Variants in TARBP1 observed in about 807,000 individuals in gnomAD.
TARBP1 encodes the protein tRNA (guanosine(18)-2'-O)-methyltransferase TARBP1.
A neutral mutation model predicts 178.6 loss-of-function variants in TARBP1; 144 were observed. The observed-to-expected ratio is 0.81, with a 90% CI of 0.70 to 0.93. The LOEUF is 0.93. Ranked by LOEUF, TARBP1 falls within the 40% of genes least tolerant of loss-of-function variation. TARBP1 has a pLI of 0.00. For missense variants in TARBP1, 2,067 were observed against 2,011.7 expected (o/e 1.03, Z -0.53); for synonymous variants, 787 against 781.0 (o/e 1.01, Z -0.13).
At position 234,418,240 on chromosome 1, in the gene TARBP1, A is replaced by C. The variant is rs768711603; in HGVS notation, c.3556-7T>G. The C allele has an allele frequency of 1.2e-5, 19 of 1,547,714 alleles. No individual in the cohort carries two copies. The highest frequency in any genetic ancestry group is 1.6e-5 in the Non-Finnish European group (18 of 1,160,160). On this transcript the variant is annotated splice_polypyrimidine_tract_variant and splice_region_variant and intron_variant, in intron 21 of 29. Transcript: ENST00000040877. ...TAATTCCATTCAAGAAATTCTGAGA[A>C]AAAAAGTTCACAATTAACCAGTTAC...
chr1:234,418,816 G>A (rs1033385185), intron 21 of TARBP1, among the ~76,000 whole-genome samples: 7 of 152,114 alleles, frequency 4.6e-5, no homozygotes, highest in Non-Finnish European at 7.3e-5. Context: ...TATTTCTATC[G>A]GGGGACGGAA....
rs1318850550 is a variant in TARBP1 at position 234,398,441 on chromosome 1, T to G, written c.4184A>C (p.Tyr1395Ser). The change falls in exon 26 of 30, where the codon TAC becomes TCC. Residue 1395 changes from tyrosine (Y) to serine (S), a missense_variant. Coordinates refer to ENST00000040877, the MANE Select transcript of TARBP1 (RefSeq NM_005646.4). ...TTTACTAAGTTGAGTTTGAGAAAGG[T>G]ACCACTGAAATCCCGCAGCTAAAGG... ...DVPLAAGFQW[Y>S]LSQTQLSKLK... 1.2e-6 allele frequency: 2 copies of G among 1,612,248 alleles called. No individual in the cohort carries two copies. The highest frequency in any genetic ancestry group is 8.5e-7 in the Non-Finnish European group (1 of 1,178,914).
At chr1:234,471,854 A>G (rs1669092606) in intron 2 of TARBP1, among the ~76,000 whole-genome samples, 1 of 152,090 alleles carries the variant, frequency 6.6e-6, no homozygotes, top group Non-Finnish European at 1.5e-5. Flanking sequence ...ATCTATATAT[A>G]TTTAGCACAT....
chr1:234,419,979 T>C (rs972131791), intron 21 of TARBP1, among the ~76,000 whole-genome samples: 16 of 152,180 alleles, frequency 1.1e-4, no homozygotes, highest in Non-Finnish European at 1.2e-4. Flanking sequence ...TAAAAGAAGG[T>C]AGGGAGGACA....
rs1661685736 is a variant in TARBP1 at position 234,410,440 on chromosome 1, C to T, written c.3792+5G>A. ...TCAAGTTTAAATTCTTACAAACAAACTTACCTTTTCTGGAATATTTTGAGT... is the reference window on the plus strand; with the variant it reads ...TCAAGTTTAAATTCTTACAAACAAATTTACCTTTTCTGGAATATTTTGAGT... On this transcript the variant is annotated splice_donor_5th_base_variant and intron_variant, in intron 23 of 29. Coordinates refer to ENST00000040877, the MANE Select transcript of TARBP1 (RefSeq NM_005646.4). The T allele has an allele frequency of 6.9e-7, 1 of 1,439,272 alleles. No individual in the cohort carries two copies. The highest frequency in any genetic ancestry group is 1.4e-5 in the African/African-American group (1 of 70,422). The allele number at this position is 1,439,272 out of a possible 1,614,324, so 89.2% of individuals were successfully genotyped here. A position where few individuals can be genotyped will look rare whatever the true frequency, so the allele number is the denominator to read the frequency against.
At chr1:234,405,611 G>A (rs1661149035) in intron 24 of TARBP1, 2 of 321,238 alleles carry the variant, frequency 6.2e-6, no homozygotes, top group Non-Finnish European at 1.1e-5. Flanking sequence ...AACAAAGGAT[G>A]ACATTTAGCT....
intron 10 of TARBP1, among the ~76,000 whole-genome samples, chr1:234,449,518 A>C (rs1223085875): frequency 6.6e-6 from 1 of 152,230 alleles, no homozygotes; most frequent in African/African-American, 2.4e-5. Flanking sequence ...CTGACCTCCC[A>C]GTTTATGTCT....
chr1:234,408,889 C>T (rs896019362), intron 23 of TARBP1, among the ~76,000 whole-genome samples: 1 of 152,194 alleles, frequency 6.6e-6, no homozygotes, highest in African/African-American at 2.4e-5. Context: ...GATAAATCGG[C>T]TCTGTGTAGG....
At chr1:234,404,243 TA>T (rs1660992178) in intron 24 of TARBP1, among the ~76,000 whole-genome samples, 1 of 152,124 alleles carries the variant, frequency 6.6e-6, no homozygotes, top group Admixed American at 6.6e-5. Flanking sequence ...CGTGTTAAAT[TA>T]TGGCAATTCC....
chr1:234,436,108 T>A (rs12047138), intron 13 of TARBP1, among the ~76,000 whole-genome samples: 20,423 of 151,816 alleles, frequency 0.13, 1,528 homozygotes, highest in Middle Eastern at 0.26. Context: ...AATCTTTGCA[T>A]CTAAAAGATA....
chr1:234,431,024 A>G (rs1006606578), intron 14 of TARBP1, among the ~76,000 whole-genome samples: 2 of 152,224 alleles, frequency 1.3e-5, no homozygotes, highest in African/African-American at 2.4e-5. Flanking sequence ...AGCCAAGACA[A>G]CCTGGTCTAT....
chr1:234,416,687 T>C (rs1662459088), intron 22 of TARBP1, among the ~76,000 whole-genome samples: 1 of 152,194 alleles, frequency 6.6e-6, no homozygotes, highest in Non-Finnish European at 1.5e-5. Context: ...TTGAGGATTA[T>C]GGTGAGGCTG....
intron 6 of TARBP1, among the ~76,000 whole-genome samples, chr1:234,461,809 A>C (rs1051615358): frequency 2.0e-5 from 3 of 152,218 alleles, no homozygotes; most frequent in African/African-American, 7.2e-5. Context: ...ATAGTGCTTC[A>C]TTCTGTCCTC....
chr1:234,404,521 C>T (rs1001370786), intron 24 of TARBP1, among the ~76,000 whole-genome samples: 1 of 152,176 alleles, frequency 6.6e-6, no homozygotes, highest in African/African-American at 2.4e-5. Context: ...ATACACCATA[C>T]ACCAAGGAGA....
intron 26 of TARBP1, among the ~76,000 whole-genome samples, chr1:234,396,396 T>C (rs1659937182): frequency 6.6e-6 from 1 of 152,212 alleles, no homozygotes; most frequent in Non-Finnish European, 1.5e-5. Context: ...TTGCCTTGCC[T>C]TGCCCATACT....
At chr1:234,465,549 G>T in intron 5 of TARBP1, 107 bp downstream of exon 5, 2 of 958,746 alleles carry the variant, frequency 2.1e-6, no homozygotes, top group Non-Finnish European at 2.9e-6. Context: ...AAACTCAACT[G>T]TCTATTCAGC....
intron 4 of TARBP1, among the ~76,000 whole-genome samples, chr1:234,467,124 A>C (rs1201813150): frequency 6.6e-6 from 1 of 152,188 alleles, no homozygotes; most frequent in African/African-American, 2.4e-5. Flanking sequence ...ATTGAGTCAG[A>C]ATTGAGGCAG....
chr1:234,472,207 T>C (rs1338190258), intron 2 of TARBP1, among the ~76,000 whole-genome samples: 1 of 151,856 alleles, frequency 6.6e-6, no homozygotes, highest in Non-Finnish European at 1.5e-5. Context: ...GTCGTGGCTG[T>C]AGTCCCAGCT....
In TARBP1 at chr1:234,418,135, A is replaced by C. The variant is rs1178737857; in HGVS notation, c.3654T>G (p.Ile1218Met). The C allele has an allele frequency of 6.7e-7, 1 of 1,496,150 alleles. No individual in the cohort carries two copies. Among genetic ancestry groups the C allele is most frequent in the African/African-American group, 1.5e-5 (1 of 68,860 alleles). The allele number at this position is 1,496,150 out of a possible 1,614,324, so 92.7% of individuals were successfully genotyped here. ...GAAGAAATTGAGGGAATTTATGAAG[A>C]ATCAATATAATAATCCATTCTATAA... ...KYFIEWIIIL[I>M]LHKFPQFLPK... Residue 1218 changes from isoleucine to methionine, a missense_variant, in exon 22 of 30, where the codon ATT becomes ATG. Coordinates refer to ENST00000040877, the MANE Select transcript of TARBP1 (RefSeq NM_005646.4).
Sources: gnomAD v4.1 joint callset for allele counts (sites outside exome capture counted in the v4.1 genomes callset) on GRCh38, gnomAD v4.1.1 for gene constraint, MANE v1.5 for transcripts, NCBI Gene and HGNC (gene_info 2026-07-23, HGNC 2026-07-21) for gene names.